The following ZNF678 variants were observed in gnomAD, a reference collection of about 807,000 sequenced individuals.
The protein encoded by ZNF678 is hypothetical protein MGC42493.
Under a neutral mutation model 3.0 loss-of-function variants are expected in ZNF678, and 5 were observed. The observed-to-expected ratio is 1.69, with a 90% CI of 0.88 to 3.56. ZNF678 has a LOEUF of 3.56. Among genes scored for constraint, ZNF678 ranks in the 30% most tolerant of loss-of-function variants. The pLI is 0.00. For synonymous variants in ZNF678, 218 were observed against 199.6 expected (o/e 1.09, Z -0.78); for missense variants, 593 against 605.0 (o/e 0.98, Z 0.21).
At chr1:227,630,973 T>C (rs1658533849) in intron 1 of ZNF678, among the ~76,000 whole-genome samples, 1 of 143,348 alleles carries the variant, frequency 7.0e-6, no homozygotes, top group Non-Finnish European at 1.5e-5. Context: ...GGTGTTACAA[T>C]TTATACTTCC....
rs572535083 is a variant in ZNF678, at chr1:227,641,647, G to T, written c.-163-4897G>T. 5.9e-5 allele frequency among the ~76,000 whole-genome samples: 9 copies of T among 151,800 alleles called. No individual in the cohort carries two copies. In the East Asian group the frequency reaches 1.7e-3, roughly 29 times the overall value. ...TGTAAAGGGGCCTTTCTTTTTTGGGGCGTCCAGTCACATCTCACAATTGTA... is the reference window on the plus strand; with the variant it reads ...TGTAAAGGGGCCTTTCTTTTTTGGGTCGTCCAGTCACATCTCACAATTGTA... On this transcript the variant is annotated intron_variant, in intron 1 of 3. Coordinates refer to ENST00000343776, the MANE Select transcript of ZNF678 (RefSeq NM_001367909.1).
intron 1 of ZNF678, among the ~76,000 whole-genome samples, chr1:227,620,798 A>G (rs1466889778): frequency 6.6e-6 from 1 of 152,238 alleles, no homozygotes. Context: ...TTATTAGGTT[A>G]ATCTATAGCT....
intron 2 of ZNF678, among the ~76,000 whole-genome samples, chr1:227,650,286 T>C (rs1242947995): frequency 6.6e-6 from 1 of 152,216 alleles, no homozygotes; most frequent in Non-Finnish European, 1.5e-5. Context: ...TTGTGTATTC[T>C]TGACGCCCTT....
intron 1 of ZNF678, among the ~76,000 whole-genome samples, chr1:227,597,879 TG>T (rs1234655514): frequency 6.6e-6 from 1 of 152,220 alleles, no homozygotes; most frequent in Non-Finnish European, 1.5e-5. Flanking sequence ...CAATACAGGA[TG>T]TGTGAGGATC....
At chr1:227,621,347 C>T (rs963160100) in intron 1 of ZNF678, among the ~76,000 whole-genome samples, 3 of 152,190 alleles carry the variant, frequency 2.0e-5, no homozygotes, top group Non-Finnish European at 4.4e-5. Context: ...ATAAGTACCC[C>T]AAGCATGAGC....
At chr1:227,598,065 C>T (rs1558138120) in intron 1 of ZNF678, among the ~76,000 whole-genome samples, 1 of 152,180 alleles carries the variant, frequency 6.6e-6, no homozygotes. Context: ...TAACTAGAGT[C>T]ATCTGGTCAT....
In ZNF678 at chr1:227,671,245, T is replaced by TA. The variant is rs368559721; in HGVS notation, c.227-5921dup. 6.7e-3 allele frequency among the ~76,000 whole-genome samples: 973 copies of TA among 144,894 alleles called. 24 individuals carry two copies. The highest frequency in any genetic ancestry group is 0.063 in the South Asian group (286 of 4,568). ...GCACATGCCACCATGCTCTACAAAT[T>TA]AAAAAAAAAAAAATTGTAGAGACAG... On this transcript the variant is annotated intron_variant, in intron 5 of 5. Coordinates refer to the ZNF678 transcript ENST00000608949.
At chr1:227,674,050 G>A (rs1353248334) in intron 5 of ZNF678, among the ~76,000 whole-genome samples, 7 of 152,218 alleles carry the variant, frequency 4.6e-5, no homozygotes, top group Admixed American at 4.6e-4. Flanking sequence ...GTGGCTGCCA[G>A]TGTCAGGCAA....
chr1:227,634,208 ATAACTAGCAG>A (rs1250656835), intron 1 of ZNF678, among the ~76,000 whole-genome samples: 1 of 152,200 alleles, frequency 6.6e-6, no homozygotes, highest in Non-Finnish European at 1.5e-5. Flanking sequence ...TGGGTCCTGA[ATAACTAGCAG>A]TGATTCCCAG....
In ZNF678 at chr1:227,590,502, G is replaced by A. The variant is rs988380152; in HGVS notation, c.-164+26778G>A. 6.6e-5 allele frequency among the ~76,000 whole-genome samples: 10 copies of A among 151,794 alleles called. 1 individual carries two copies. Among genetic ancestry groups the A allele is most frequent in the African/African-American group, 2.4e-4 (10 of 41,260 alleles). On this transcript the variant is annotated intron_variant, in intron 1 of 3. Coordinates refer to ENST00000343776, the MANE Select transcript of ZNF678 (RefSeq NM_001367909.1). ...GTTAATGGGGGTTGGGTATCCCCAC[G>A]AGCCGTCTTGTGCCCAAGCGGCAGG...
At chr1:227,643,346 T>C (rs779057019) in intron 1 of ZNF678, among the ~76,000 whole-genome samples, 2 of 152,200 alleles carry the variant, frequency 1.3e-5, no homozygotes, top group Non-Finnish European at 2.9e-5. Context: ...ATTGTCTTAA[T>C]TGAAATCACA....
intron 1 of ZNF678, among the ~76,000 whole-genome samples, chr1:227,569,053 G>T (rs957436875): frequency 6.6e-6 from 1 of 152,200 alleles, no homozygotes. Context: ...TTGCTGGAGT[G>T]CAATCATAGC....
At chr1:227,569,556 A>G (rs1656782088) in intron 1 of ZNF678, among the ~76,000 whole-genome samples, 1 of 152,176 alleles carries the variant, frequency 6.6e-6, no homozygotes, top group Non-Finnish European at 1.5e-5. Flanking sequence ...TAAGAAATCT[A>G]TTATTTTGTT....
Position 227,655,771 on chromosome 1 carries a change from T to G in ZNF678, c.1521T>G (p.Tyr507Ter), listed in dbSNP as rs757317378. The G allele has an allele frequency of 6.9e-6, 11 of 1,603,064 alleles. No individual in the cohort carries two copies. The highest frequency in any genetic ancestry group is 9.4e-6 in the Non-Finnish European group (11 of 1,176,120). ...ACCAATCCTCAATCCATAGTAAGTATAAGAGAATTTATACTGGAGAGGAAC... is the reference window on the plus strand; with the variant it reads ...ACCAATCCTCAATCCATAGTAAGTAGAAGAGAATTTATACTGGAGAGGAAC... ...GFYQSSIHSK[Y>*]KRIYTGEEPD... Residue 507 changes from tyrosine (Y) to a stop codon, truncating the protein, a stop_gained, in exon 4 of 4, where the codon TAT (tyrosine) becomes TAG (stop). Transcript: ENST00000343776. LOFTEE classifies it low-confidence loss of function (END_TRUNC).
chr1:227,563,730 A>C lies in ZNF678; in HGVS notation c.-164+6A>C. ...ACCCCGAAAGCCGGAAAACGGTGAG[A>C]GTTCCCGGGAGGGTGTTCCAAGATG... On this transcript the variant is annotated splice_donor_region_variant and intron_variant, in intron 1 of 3. Coordinates refer to ENST00000343776, the MANE Select transcript of ZNF678 (RefSeq NM_001367909.1). 7.6e-7 allele frequency: 1 copy of C among 1,321,286 alleles called. No homozygotes were observed. The highest frequency in any genetic ancestry group is 1.0e-6 in the Non-Finnish European group (1 of 997,170). 81.8% of individuals were successfully genotyped at this position (1,321,286 alleles called of 1,614,324 possible).
chr1:227,646,495 C>G, intron 1 of ZNF678, 49 bp from the exon 2 acceptor site: 1 of 1,347,230 alleles, frequency 7.4e-7, no homozygotes, highest in Non-Finnish European at 9.9e-7. Flanking sequence ...ATTAAGAACT[C>G]TGCCCATGGC....
At chr1:227,583,658 G>A (rs890266434) in intron 1 of ZNF678, among the ~76,000 whole-genome samples, 2 of 152,070 alleles carry the variant, frequency 1.3e-5, no homozygotes, top group Admixed American at 6.5e-5. Flanking sequence ...AAAAATAGGA[G>A]GTAGGAAAGC....
intron 5 of ZNF678, among the ~76,000 whole-genome samples, chr1:227,669,060 T>C (rs1659555674): frequency 6.7e-6 from 1 of 150,298 alleles, no homozygotes; most frequent in African/African-American, 2.5e-5. Context: ...AGTTAACAAA[T>C]GGGACCTAAT....
intron 1 of ZNF678, among the ~76,000 whole-genome samples, chr1:227,606,582 T>C (rs573357477): frequency 2.6e-5 from 4 of 152,194 alleles, no homozygotes; most frequent in African/African-American, 9.6e-5. Flanking sequence ...CTTTTACTAA[T>C]CCTCCTCAGC....
Sources: allele counts gnomAD v4.1 joint callset (sites outside exome capture counted in the v4.1 genomes callset), GRCh38; gene constraint gnomAD v4.1.1; transcripts MANE v1.5; gene names NCBI Gene and HGNC (gene_info 2026-07-23, HGNC 2026-07-21).